Variants in PICALM observed in about 807,000 individuals in gnomAD.
PICALM encodes phosphatidylinositol-binding clathrin assembly protein.
Under a neutral mutation model 80.5 loss-of-function variants are expected in PICALM, and 40 were observed. The observed-to-expected ratio is 0.50, with a 90% CI of 0.39 to 0.65. The LOEUF (loss-of-function observed/expected upper bound fraction) is 0.65, where lower values mean the gene tolerates loss of function less well. Among genes scored for constraint, PICALM ranks in the 30% least tolerant of loss-of-function variants. The pLI is 0.00. For synonymous variants in PICALM, 288 were observed against 260.3 expected (o/e 1.11, Z -1.02); for missense variants, 676 against 778.9 (o/e 0.87, Z 1.57).
intron 19 of PICALM, among the ~76,000 whole-genome samples, chr11:85,967,430 T>A (rs2093938663): frequency 6.6e-6 from 1 of 152,222 alleles, no homozygotes; most frequent in South Asian, 2.1e-4. Flanking sequence ...AAGGTCTTAT[T>A]CTATAAGTTG....
At chr11:86,069,474 T>A (rs2096488962), upstream of PICALM, 1 of 152,504 alleles carries the variant, frequency 6.6e-6, no homozygotes, top group South Asian at 2.0e-4. Flanking sequence ...TGTGTCCTCG[T>A]GTCTGTGGTT....
intron 6 of PICALM, among the ~76,000 whole-genome samples, chr11:86,011,590 T>C (rs2095394858): frequency 6.6e-6 from 1 of 152,212 alleles, no homozygotes; most frequent in Non-Finnish European, 1.5e-5. Flanking sequence ...TTGAAGACTA[T>C]GCCTTCCAAA....
In PICALM at chr11:85,974,860, T is replaced by C. The variant is rs752714501; in HGVS notation, c.1840-48A>G. The C allele has an allele frequency of 1.4e-5, 18 of 1,248,786 alleles. No homozygotes were observed. The South Asian group carries it at 1.7e-4, about 12-fold the overall frequency. 77.4% of individuals were successfully genotyped at this position (1,248,786 alleles called of 1,614,324 possible). A position where few individuals can be genotyped will look rare whatever the true frequency, so the allele number is the denominator to read the frequency against. On this transcript the variant is annotated intron_variant, in intron 18 of 19. Coordinates refer to ENST00000393346, the MANE Select transcript of PICALM (RefSeq NM_007166.4). The stretch of plus-strand genomic sequence containing the variant: ...AAGATACTGACTCCTATCTTCCTTA[T>C]TGTGACTAAGTAAATAACAATGACA...
intron 8 of PICALM, among the ~76,000 whole-genome samples, chr11:86,005,459 G>C (rs926900413): frequency 6.6e-6 from 1 of 152,040 alleles, no homozygotes; most frequent in African/African-American, 2.4e-5. Flanking sequence ...CAAAACTTTC[G>C]GAAGTAGATA....
intron 2 of PICALM, 123 bp from the exon 3 acceptor site, chr11:86,026,490 C>G: frequency 1.7e-6 from 1 of 596,698 alleles, no homozygotes; most frequent in South Asian, 2.1e-5. Context: ...ATTTCTCATC[C>G]TCACTCTTTC....
At chr11:85,975,145 C>A (rs577482895) in intron 18 of PICALM, among the ~76,000 whole-genome samples, 3 of 152,268 alleles carry the variant, frequency 2.0e-5, no homozygotes, top group Non-Finnish European at 2.9e-5. Flanking sequence ...GTTTAGACAT[C>A]AAGAAAACTT....
chr11:86,017,222 CAA>C (rs11326179), intron 4 of PICALM, among the ~76,000 whole-genome samples: 23,649 of 137,026 alleles, frequency 0.17, 2,290 homozygotes, highest in Middle Eastern at 0.26. Flanking sequence ...GACTCTGTCT[CAA>C]AAAAAAAAAA....
In PICALM at chr11:85,958,438, A is replaced by G; in HGVS notation, c.*608T>C. On this transcript the variant is annotated 3_prime_UTR_variant, in exon 20 of 20. Transcript: ENST00000393346. ...AATCAAACATACTGTGCACATCCAT[A>G]CTCATTTTCATAAGGAGGTCTGATA... 4.7e-6 allele frequency: 1 copy of G among 211,318 alleles called. No homozygotes were observed. The highest frequency in any genetic ancestry group is 7.3e-5 in the East Asian group (1 of 13,750). The allele number at this position is 211,318 out of a possible 1,614,324, so 13.1% of individuals were successfully genotyped here.
chr11:86,045,259 C>G (rs1271671530), intron 1 of PICALM, among the ~76,000 whole-genome samples: 1 of 151,950 alleles, frequency 6.6e-6, no homozygotes, highest in African/African-American at 2.4e-5. Context: ...GGAAAAATCA[C>G]CAGGATTATT....
intron 13 of PICALM, among the ~76,000 whole-genome samples, chr11:85,986,496 T>C (rs1592583597): frequency 6.8e-6 from 1 of 146,930 alleles, no homozygotes; most frequent in East Asian, 2.1e-4. Context: ...GTTCACGCCA[T>C]TCTCCTGCCT....
chr11:86,001,717 G>A (rs1592762010), intron 9 of PICALM, among the ~76,000 whole-genome samples: 1 of 152,188 alleles, frequency 6.6e-6, no homozygotes, highest in Admixed American at 6.5e-5. Flanking sequence ...ATCTTTCTAT[G>A]TGCTGCCCTT....
Position 86,003,665 on chromosome 11 carries a change from C to T in PICALM, c.808-214G>A, listed in dbSNP as rs549600687. On this transcript the variant is annotated intron_variant, in intron 8 of 19. Coordinates refer to ENST00000393346, the MANE Select transcript of PICALM (RefSeq NM_007166.4). ...AGATATTAAGAAACATTATCAAAAA[C>T]GTTAAGAACTGAAAACTATGTAAAC... 5.7e-4 allele frequency: 208 copies of T among 364,352 alleles called. 1 individual carries two copies. Among genetic ancestry groups the T allele is most frequent in the Non-Finnish European group, 8.0e-4 (163 of 204,666 alleles). 22.6% of individuals were successfully genotyped at this position (364,352 alleles called of 1,614,324 possible). A position where few individuals can be genotyped will look rare whatever the true frequency, so the allele number is the denominator to read the frequency against.
At chr11:86,015,199 G>A (rs1029562018) in intron 4 of PICALM, among the ~76,000 whole-genome samples, 3 of 152,086 alleles carry the variant, frequency 2.0e-5, no homozygotes, top group Non-Finnish European at 4.4e-5. Flanking sequence ...AGAACATAAA[G>A]CATGAGCCAT....
intron 1 of PICALM, among the ~76,000 whole-genome samples, chr11:86,048,804 A>T (rs904755940): frequency 1.7e-4 from 25 of 144,806 alleles, no homozygotes; most frequent in Admixed American, 1.7e-3. Context: ...ACTGCACTTC[A>T]GCCTCCTGGG....
At chr11:85,982,199 T>TG (rs2094459103) in intron 14 of PICALM, 196 bp from the exon 15 acceptor site, 1 of 536,116 alleles carries the variant, frequency 1.9e-6, no homozygotes, top group Non-Finnish European at 3.4e-6. Context: ...AGGCTGTATT[T>TG]GCTTTGACAG....
chr11:85,966,263 GT>G (rs1197216966), intron 19 of PICALM, among the ~76,000 whole-genome samples: 1 of 152,098 alleles, frequency 6.6e-6, no homozygotes, highest in Non-Finnish European at 1.5e-5. Context: ...CTGGAGTACA[GT>G]GGTGTGATCA....
At chr11:85,986,745 C>T (rs2094585268) in intron 13 of PICALM, among the ~76,000 whole-genome samples, 2 of 152,174 alleles carry the variant, frequency 1.3e-5, no homozygotes, top group African/African-American at 4.8e-5. Context: ...CAGCTAGTAT[C>T]ACTATTCTAA....
In PICALM at chr11:85,979,000, A is replaced by G. The variant is rs561287365; in HGVS notation, c.1779+2129T>C. Among the ~76,000 whole-genome samples the G allele has an allele frequency of 2.0e-5, 3 of 152,306 alleles. No homozygotes were observed. In the East Asian group the frequency reaches 5.8e-4, roughly 29 times the overall value. On this transcript the variant is annotated intron_variant, in intron 17 of 19. Coordinates refer to ENST00000393346, the MANE Select transcript of PICALM (RefSeq NM_007166.4). ...AGTGAGGTGTGTTATAGTGGGAAGAAGACTGGATTCAGAGTCAAAGAGATG... is the reference window on the plus strand; with the variant it reads ...AGTGAGGTGTGTTATAGTGGGAAGAGGACTGGATTCAGAGTCAAAGAGATG...
chr11:85,990,322 C>T lies in PICALM; in HGVS notation c.1336G>A (p.Asp446Asn). ...LNPFLTKSSG[D>N]VHLSISSDVS... is the part of the protein sequence containing the mutation. ...TCTGAAGAAATGGAAAGGTGAACATCACCACTACTTTTTGTGAGGAAAGGA... is the reference window on the plus strand; with the variant it reads ...TCTGAAGAAATGGAAAGGTGAACATTACCACTACTTTTTGTGAGGAAAGGA... Residue 446 changes from aspartate to asparagine, a missense_variant, in exon 13 of 20, where the codon GAT (aspartate) becomes AAT (asparagine). This residue lies in a region of PICALM where 391 missense variants were observed against 383.6 expected (regional missense o/e 1.02). Transcript: ENST00000393346. 13 of 1,604,398 alleles carry T rather than the reference C, an allele frequency of 8.1e-6. No homozygotes were observed. The highest frequency in any genetic ancestry group is 1.1e-5 in the Non-Finnish European group (13 of 1,171,584).
Sources: allele counts gnomAD v4.1 joint callset (sites outside exome capture counted in the v4.1 genomes callset), GRCh38; gene constraint gnomAD v4.1.1; regional missense constraint gnomAD v4.1.1; transcripts MANE v1.5; gene names NCBI Gene and HGNC (gene_info 2026-07-23, HGNC 2026-07-21).